PPP1R12B: variants seen among roughly 807,000 people sequenced by gnomAD.
The protein encoded by PPP1R12B is myosin phosphatase target subunit 2.
In PPP1R12B, 76 loss-of-function variants were observed where a neutral mutation model predicts 126.1. The ratio of observed to expected loss-of-function variants is 0.60; its 90% CI spans 0.50 to 0.73. PPP1R12B has a LOEUF of 0.73. Among genes scored for constraint, PPP1R12B ranks in the 30% least tolerant of loss-of-function variants. The pLI is 0.00. For missense variants in PPP1R12B, 1,052 were observed against 1,205.1 expected, an observed-to-expected ratio of 0.87 and a Z score of 1.88; for synonymous variants, 356 against 434.7, an observed-to-expected ratio of 0.82 and a Z score of 2.25.
At chr1:202,571,662 C>T (rs1294332561) in intron 23 of PPP1R12B, among the ~76,000 whole-genome samples, 1 of 152,156 alleles carries the variant, frequency 6.6e-6, no homozygotes, top group Non-Finnish European at 1.5e-5. Context: ...CACCATGTTG[C>T]ACCAGGTGGT....
chr1:202,351,561 C>T (rs1396393006), intron 1 of PPP1R12B, among the ~76,000 whole-genome samples: 1 of 152,098 alleles, frequency 6.6e-6, no homozygotes, highest in Non-Finnish European at 1.5e-5. Context: ...TCCTAAGGTA[C>T]ATAAAAGACT....
At chr1:202,572,376 A>G (rs1188549761) in intron 23 of PPP1R12B, among the ~76,000 whole-genome samples, 1 of 152,198 alleles carries the variant, frequency 6.6e-6, no homozygotes, top group African/African-American at 2.4e-5. Flanking sequence ...CTTCAGTCCT[A>G]TTTTTCTAAC....
Position 202,564,496 on chromosome 1 carries a change from A to G in PPP1R12B, c.2706A>G (p.Glu902=). Residue 902 remains glutamate, a synonymous_variant, in exon 21 of 24, where the codon GAA becomes GAG. Transcript: ENST00000608999. ...AAAAACTGAAAACAAAACTTCAGGA[A>G]GCCCAGCTAGAGCTAGCAGATATAA... ...ENQKLKTKLQ[E]AQLELADIKS... The G allele has an allele frequency of 6.2e-7, 1 of 1,612,982 alleles. No individual in the cohort carries two copies. Among genetic ancestry groups the G allele is most frequent in the South Asian group, 1.1e-5 (1 of 91,080 alleles).
chr1:202,438,987 C>T, intron 10 of PPP1R12B: 1 of 1,490,402 alleles, frequency 6.7e-7, no homozygotes, highest in Non-Finnish European at 9.3e-7. Flanking sequence ...GAGCGCATGG[C>T]CCTGGCCAAC....
chr1:202,365,717 CTT>C (rs1042913353), intron 1 of PPP1R12B, among the ~76,000 whole-genome samples: 4 of 152,236 alleles, frequency 2.6e-5, no homozygotes, highest in African/African-American at 9.6e-5. Flanking sequence ...ATTTAGACCT[CTT>C]TATTTTTTTA....
At chr1:202,378,572 C>G (rs1450991584) in intron 1 of PPP1R12B, among the ~76,000 whole-genome samples, 3 of 152,090 alleles carry the variant, frequency 2.0e-5, no homozygotes, top group Non-Finnish European at 4.4e-5. Context: ...CTCTGCCTCT[C>G]AAGTTCAAGC....
chr1:202,515,313 T>A (rs12748056), intron 18 of PPP1R12B, among the ~76,000 whole-genome samples: 6 of 151,832 alleles, frequency 4.0e-5, no homozygotes, highest in Admixed American at 6.6e-5. Context: ...TTTGTTTTTT[T>A]AAAAAAGAGT....
intron 13 of PPP1R12B, among the ~76,000 whole-genome samples, chr1:202,468,103 C>T (rs1382857574): frequency 2.0e-5 from 3 of 151,982 alleles, no homozygotes; most frequent in African/African-American, 2.4e-5. Flanking sequence ...TGTTTGAGTT[C>T]GTTGTAGATT....
intron 10 of PPP1R12B, chr1:202,438,881 CA>C: frequency 7.2e-7 from 1 of 1,397,626 alleles, no homozygotes; most frequent in South Asian, 1.2e-5. Context: ...GCCCCCAGGG[CA>C]GGAGCCCATA....
intron 10 of PPP1R12B, chr1:202,438,843 G>T: frequency 9.6e-7 from 1 of 1,037,882 alleles, no homozygotes; most frequent in Non-Finnish European, 1.5e-6. Flanking sequence ...GACGGCCATG[G>T]TCACTGCTGA....
intron 1 of PPP1R12B, among the ~76,000 whole-genome samples, chr1:202,374,732 C>G (rs1660882928): frequency 6.6e-6 from 1 of 151,738 alleles, no homozygotes; most frequent in Admixed American, 6.6e-5. Context: ...AACTCCTAAT[C>G]TCAGGCAGTC....
chr1:202,451,194 A>G (rs1394302843), intron 13 of PPP1R12B, among the ~76,000 whole-genome samples: 8 of 144,300 alleles, frequency 5.5e-5, no homozygotes, highest in African/African-American at 2.1e-4. Flanking sequence ...TTTTTTATTG[A>G]TCATTCTTGG....
At chr1:202,577,194 A>C (rs1689169729) in intron 23 of PPP1R12B, 1 of 152,228 alleles carries the variant, frequency 6.6e-6, no homozygotes, top group Non-Finnish European at 1.5e-5. Flanking sequence ...TGACCATAGC[A>C]AGGGTTAGCA....
At position 202,538,847 on chromosome 1, in the gene PPP1R12B, A is replaced by G. The variant is rs555189191; in HGVS notation, c.2491-20030A>G. On this transcript the variant is annotated intron_variant, in intron 18 of 23. Transcript: ENST00000608999. The stretch of plus-strand genomic sequence containing the variant: ...TACTACTGAGTCCTGTAGCCTTGCA[A>G]TTGCACTACTGTCTGTTTTCTCTCT... Among the ~76,000 whole-genome samples, 12 of 152,250 alleles carry G rather than the reference A, an allele frequency of 7.9e-5. No homozygotes were observed. In the East Asian group the frequency reaches 1.5e-3, roughly 20 times the overall value.
chr1:202,583,822 A>T lies in PPP1R12B; in HGVS notation c.*3262A>T, dbSNP rs1217651763. Reference sequence around the variant, plus strand: ...AATAGCTGCAGACATGGCCAACAACATGGGGCTCAGGTCTGTCACTTAACT... The same window carrying T: ...AATAGCTGCAGACATGGCCAACAACTTGGGGCTCAGGTCTGTCACTTAACT... On this transcript the variant is annotated 3_prime_UTR_variant, in exon 24 of 24. Coordinates refer to ENST00000608999, the MANE Select transcript of PPP1R12B (RefSeq NM_002481.4). 1 of 152,218 alleles carries T rather than the reference A, an allele frequency of 6.6e-6. No individual in the cohort carries two copies. Among genetic ancestry groups the T allele is most frequent in the Admixed American group, 6.5e-5 (1 of 15,282 alleles). 9.4% of individuals were successfully genotyped at this position (152,218 alleles called of 1,614,324 possible). A position where few individuals can be genotyped will look rare whatever the true frequency, so the allele number is the denominator to read the frequency against.
chr1:202,389,432 C>G (rs565412024), intron 1 of PPP1R12B, among the ~76,000 whole-genome samples: 173 of 150,784 alleles, frequency 1.1e-3, no homozygotes, highest in Non-Finnish European at 1.9e-3. Flanking sequence ...ATCACAAGGT[C>G]AGGAGATCGA....
At chr1:202,461,385 A>G (rs1674293358) in intron 13 of PPP1R12B, among the ~76,000 whole-genome samples, 2 of 152,292 alleles carry the variant, frequency 1.3e-5, no homozygotes, top group East Asian at 3.9e-4. Context: ...TCATGGAGCT[A>G]TTGTGAGGAT....
At chr1:202,465,877 G>A (rs1318994377) in intron 13 of PPP1R12B, among the ~76,000 whole-genome samples, 7 of 152,120 alleles carry the variant, frequency 4.6e-5, no homozygotes, top group Non-Finnish European at 8.8e-5. Context: ...AATCATTGAC[G>A]TGTAAATAAA....
At chr1:202,452,053 C>T (rs915397242) in intron 13 of PPP1R12B, among the ~76,000 whole-genome samples, 7 of 151,474 alleles carry the variant, frequency 4.6e-5, no homozygotes, top group African/African-American at 7.3e-5. Context: ...AGAGGCGCTC[C>T]TCACATCCCA....
Sources: allele counts gnomAD v4.1 joint callset (sites outside exome capture counted in the v4.1 genomes callset), GRCh38; gene constraint gnomAD v4.1.1; transcripts MANE v1.5; gene names NCBI Gene and HGNC (gene_info 2026-07-23, HGNC 2026-07-21).